GRIK4: variants seen among roughly 807,000 people sequenced by gnomAD.
GRIK4 encodes the protein glutamate ionotropic receptor kainate type subunit 4.
A neutral mutation model predicts 104.9 loss-of-function variants in GRIK4; 40 were observed. That is an observed-to-expected ratio of 0.38 (90% CI 0.30 to 0.50). The LOEUF is 0.50. Ranked by LOEUF, GRIK4 falls within the 20% of genes least tolerant of loss-of-function variation. GRIK4 has a pLI of 0.93. For synonymous variants in GRIK4, 485 were observed against 524.9 expected, an observed-to-expected ratio of 0.92 and a Z score of 1.04; for missense variants, 1,047 against 1,308.1, an observed-to-expected ratio of 0.80 and a Z score of 3.08.
At chr11:120,669,264 G>A (rs1222184453) in intron 3 of GRIK4, among the ~76,000 whole-genome samples, 15 of 152,102 alleles carry the variant, frequency 9.9e-5, no homozygotes, top group Non-Finnish European at 1.5e-5. Context: ...TACCCTGGGA[G>A]GCTAAGAGCA....
intron 3 of GRIK4, among the ~76,000 whole-genome samples, chr11:120,704,381 T>G (rs1950596785): frequency 6.6e-6 from 1 of 152,210 alleles, no homozygotes; most frequent in Admixed American, 6.5e-5. Context: ...GCTGGATACC[T>G]CTGGTCGCAG....
At chr11:120,845,927 C>A (rs1300749891) in intron 8 of GRIK4, among the ~76,000 whole-genome samples, 1 of 152,216 alleles carries the variant, frequency 6.6e-6, no homozygotes, top group Non-Finnish European at 1.5e-5. Flanking sequence ...TACCACCCTA[C>A]CCAATGCAAA....
chr11:120,657,377 CAA>C (rs1340148857), intron 2 of GRIK4, among the ~76,000 whole-genome samples: 5 of 152,210 alleles, frequency 3.3e-5, no homozygotes, highest in African/African-American at 1.2e-4. Flanking sequence ...AATTAAAGAA[CAA>C]AGATTCTGGG....
At chr11:120,699,943 A>T (rs1950523510) in intron 3 of GRIK4, among the ~76,000 whole-genome samples, 1 of 152,222 alleles carries the variant, frequency 6.6e-6, no homozygotes, top group African/African-American at 2.4e-5. Context: ...GGGGTTCTTT[A>T]GGGTAAAATG....
chr11:120,775,138 C>T (rs1952016367), intron 3 of GRIK4, among the ~76,000 whole-genome samples: 1 of 152,202 alleles, frequency 6.6e-6, no homozygotes, highest in Non-Finnish European at 1.5e-5. Context: ...TGTAACATGG[C>T]TCCTTCTTGT....
chr11:120,953,378 A>G lies in GRIK4; in HGVS notation c.1700+414A>G, dbSNP rs1375166669. Among the ~76,000 whole-genome samples the G allele has an allele frequency of 6.6e-6, 1 of 151,958 alleles. No homozygotes were observed. Among genetic ancestry groups the G allele is most frequent in the East Asian group, 1.9e-4 (1 of 5,164 alleles). ...GTCATTGCCACAAAGGATCTGCCAC[A>G]AAGTGCCGAATGACAAGGAACAGAG... On this transcript the variant is annotated intron_variant, in intron 15 of 20. Transcript: ENST00000527524. The surrounding 1 kb of genome is among the most constrained non-coding windows in gnomAD (Gnocchi z 4.9).
chr11:120,625,428 G>C (rs993104815), intron 1 of GRIK4, among the ~76,000 whole-genome samples: 4 of 152,142 alleles, frequency 2.6e-5, no homozygotes, highest in Non-Finnish European at 5.9e-5. Flanking sequence ...GGGGGAGGCG[G>C]AGAGAGAAGG....
At chr11:120,859,312 T>C (rs1954199482) in intron 8 of GRIK4, 1 of 152,126 alleles carries the variant, frequency 6.6e-6, no homozygotes, top group African/African-American at 2.4e-5. Context: ...GTTGCTAATA[T>C]TGTTTCTTTT....
rs558381970 is a variant in GRIK4 at position 120,877,516 on chromosome 11, A to G, written c.1164+2273A>G. Among the ~76,000 whole-genome samples the G allele has an allele frequency of 4.7e-4, 71 of 152,320 alleles. 1 individual carries two copies. The highest frequency in any genetic ancestry group is 1.4e-3 in the African/African-American group (59 of 41,572). ...CAGGCAGACTTTTCTCTGAGCCCCA[A>G]TGTGCTTGAGGGATGTGAAGTGAAG... On this transcript the variant is annotated intron_variant, in intron 11 of 20. Coordinates refer to ENST00000527524, the MANE Select transcript of GRIK4 (RefSeq NM_014619.5).
At chr11:120,935,968 G>A (rs1234185127) in intron 13 of GRIK4, 1 of 189,516 alleles carries the variant, frequency 5.3e-6, no homozygotes, top group African/African-American at 2.4e-5. Flanking sequence ...GGAATGGGTT[G>A]TGTATGGGGG....
At chr11:120,663,988 G>T (rs1949862706) in intron 3 of GRIK4, among the ~76,000 whole-genome samples, 1 of 152,178 alleles carries the variant, frequency 6.6e-6, no homozygotes, top group Admixed American at 6.5e-5. Context: ...AAAGATTATG[G>T]CATTTTCCCA....
intron 3 of GRIK4, among the ~76,000 whole-genome samples, chr11:120,708,487 T>G (rs772949387): frequency 6.6e-6 from 1 of 152,086 alleles, no homozygotes; most frequent in Non-Finnish European, 1.5e-5. Flanking sequence ...GGGCTGAGTG[T>G]GGGGCTCGGA....
At chr11:120,617,258 T>G (rs2135157751) in intron 1 of GRIK4, among the ~76,000 whole-genome samples, 1 of 152,348 alleles carries the variant, frequency 6.6e-6, no homozygotes, top group East Asian at 1.9e-4. Flanking sequence ...AGTACCTAGC[T>G]TAGGTACCTG....
At chr11:120,895,489 A>T (rs1395758326) in intron 11 of GRIK4, among the ~76,000 whole-genome samples, 1 of 152,146 alleles carries the variant, frequency 6.6e-6, no homozygotes, top group Admixed American at 6.5e-5. Context: ...GGCTTTGTGG[A>T]GTGTCAAGAC....
intron 1 of GRIK4, among the ~76,000 whole-genome samples, chr11:120,531,488 A>G (rs530126430): frequency 6.6e-6 from 1 of 152,112 alleles, no homozygotes; most frequent in African/African-American, 2.4e-5. Flanking sequence ...GGATCATCCC[A>G]TATTACTGGA....
chr11:120,718,105 C>A (rs544042015), intron 3 of GRIK4, among the ~76,000 whole-genome samples: 66 of 152,304 alleles, frequency 4.3e-4, no homozygotes, highest in African/African-American at 1.5e-3. Flanking sequence ...GCTTTGGGTG[C>A]TGAGAAGCCT....
chr11:120,714,485 A>G (rs1297108288), intron 3 of GRIK4, among the ~76,000 whole-genome samples: 1 of 152,170 alleles, frequency 6.6e-6, no homozygotes, highest in Non-Finnish European at 1.5e-5. Flanking sequence ...CATGGGGAGA[A>G]GTGGTTTTTT....
At chr11:120,673,788 G>A (rs1950057883) in intron 3 of GRIK4, among the ~76,000 whole-genome samples, 1 of 152,176 alleles carries the variant, frequency 6.6e-6, no homozygotes, top group African/African-American at 2.4e-5. Flanking sequence ...CTGGCCTCCA[G>A]CTCTTTCCTG....
chr11:120,624,468 A>G (rs1591748581), intron 1 of GRIK4, among the ~76,000 whole-genome samples: 1 of 152,078 alleles, frequency 6.6e-6, no homozygotes, highest in South Asian at 2.1e-4. Context: ...TCCTTGTCCC[A>G]TAGCCACTCT....
Sources: gnomAD v4.1 joint callset for allele counts (sites outside exome capture counted in the v4.1 genomes callset) on GRCh38, gnomAD v4.1.1 for gene constraint, Gnocchi (gnomAD v3.1) non-coding constraint, MANE v1.5 for transcripts, NCBI Gene and HGNC (gene_info 2026-07-23, HGNC 2026-07-21) for gene names.